The following NMNAT2 variants were observed in gnomAD, a reference collection of about 807,000 sequenced individuals.
NMNAT2 encodes nicotinamide nucleotide adenylyltransferase 2, also known as nicotinamide/nicotinic acid mononucleotide adenylyltransferase 2.
In NMNAT2, 11 loss-of-function variants were observed where a neutral mutation model predicts 41.6. The observed-to-expected ratio is 0.26, with a 90% CI of 0.17 to 0.44. The LOEUF is 0.44. NMNAT2 is among the 20% of genes least tolerant of loss of function. The probability of loss-of-function intolerance (pLI) is 1.00; values close to 1 mark genes in which losing one functional copy is unlikely to be tolerated. For missense variants in NMNAT2, 288 were observed against 407.7 expected (o/e 0.71, Z 2.53); for synonymous variants, 148 against 151.2 (o/e 0.98, Z 0.16).
At chr1:183,305,181 A>G (rs761849655) in intron 1 of NMNAT2, among the ~76,000 whole-genome samples, 23 of 152,086 alleles carry the variant, frequency 1.5e-4, no homozygotes, top group Non-Finnish European at 2.6e-4. Flanking sequence ...CACAAACTAA[A>G]TATATATGTA....
chr1:183,256,980 G>GA (rs1240587267), intron 10 of NMNAT2, among the ~76,000 whole-genome samples: 1 of 151,984 alleles, frequency 6.6e-6, no homozygotes, highest in Non-Finnish European at 1.5e-5. Flanking sequence ...TTGAACTCCT[G>GA]ACCTCAAGTG....
At chr1:183,291,206 C>T (rs1372413413) in intron 3 of NMNAT2, among the ~76,000 whole-genome samples, 1 of 152,150 alleles carries the variant, frequency 6.6e-6, no homozygotes, top group Admixed American at 6.5e-5. Flanking sequence ...CATGAGCCCC[C>T]GTGCCCTGCC....
intron 1 of NMNAT2, among the ~76,000 whole-genome samples, chr1:183,407,268 G>A (rs1401953928): frequency 6.6e-6 from 1 of 152,206 alleles, no homozygotes; most frequent in Non-Finnish European, 1.5e-5. Flanking sequence ...ATGACTTGCA[G>A]GTTCCCACTG....
intron 1 of NMNAT2, among the ~76,000 whole-genome samples, chr1:183,352,211 T>C (rs1218198803): frequency 1.3e-5 from 2 of 152,144 alleles, no homozygotes; most frequent in Admixed American, 6.5e-5. Context: ...GAAGCGCTGA[T>C]CACTAAGCAA....
intron 10 of NMNAT2, among the ~76,000 whole-genome samples, chr1:183,260,776 GCCATT>G (rs1363544822): frequency 7.0e-6 from 1 of 142,828 alleles, no homozygotes; most frequent in East Asian, 2.1e-4. Flanking sequence ...CTGAGATTGC[GCCATT>G]GAACTCCAGC....
intron 1 of NMNAT2, among the ~76,000 whole-genome samples, chr1:183,329,109 G>T (rs1237898106): frequency 6.6e-6 from 1 of 152,094 alleles, no homozygotes; most frequent in African/African-American, 2.4e-5. Context: ...TCCAAATCAG[G>T]GTTCCTAGCC....
intron 8 of NMNAT2, among the ~76,000 whole-genome samples, chr1:183,265,055 G>C (rs1404851275): frequency 6.6e-6 from 1 of 152,008 alleles, no homozygotes; most frequent in Non-Finnish European, 1.5e-5. Flanking sequence ...AATGTTTCCA[G>C]CATTAACTTC....
chr1:183,282,532 C>T (rs1177622252), intron 7 of NMNAT2, among the ~76,000 whole-genome samples: 1 of 152,246 alleles, frequency 6.6e-6, no homozygotes, highest in Non-Finnish European at 1.5e-5. Context: ...CACAATACAT[C>T]TCTGGACTAA....
At chr1:183,343,874 C>T (rs1311793387) in intron 1 of NMNAT2, among the ~76,000 whole-genome samples, 2 of 152,200 alleles carry the variant, frequency 1.3e-5, no homozygotes, top group African/African-American at 4.8e-5. Context: ...TGGGGCCTCA[C>T]CTCCCTATCC....
At chr1:183,330,601 T>C (rs902891717) in intron 1 of NMNAT2, among the ~76,000 whole-genome samples, 4 of 152,160 alleles carry the variant, frequency 2.6e-5, no homozygotes, top group African/African-American at 9.7e-5. Context: ...TGGCCAGTTA[T>C]CTCCCCATCC....
intron 1 of NMNAT2, among the ~76,000 whole-genome samples, chr1:183,347,464 T>C (rs928629682): frequency 2.6e-5 from 4 of 151,928 alleles, no homozygotes; most frequent in African/African-American, 4.8e-5. Context: ...TCTCTAAAAA[T>C]GATGATGATA....
intron 4 of NMNAT2, among the ~76,000 whole-genome samples, chr1:183,287,028 C>T (rs1661419113): frequency 6.6e-6 from 1 of 152,048 alleles, no homozygotes; most frequent in South Asian, 2.1e-4. Flanking sequence ...TGGGCTCTGC[C>T]TCCTTCTAGC....
intron 1 of NMNAT2, among the ~76,000 whole-genome samples, chr1:183,295,748 TG>T (rs1661673705): frequency 6.6e-6 from 1 of 152,194 alleles, no homozygotes; most frequent in African/African-American, 2.4e-5. Context: ...AAATGCCATA[TG>T]GTTGGAATCA....
At chr1:183,271,340 G>A (rs972746276) in intron 8 of NMNAT2, among the ~76,000 whole-genome samples, 3 of 151,978 alleles carry the variant, frequency 2.0e-5, no homozygotes, top group Non-Finnish European at 2.9e-5. Flanking sequence ...TCCCCCCACC[G>A]AATCTTTTAT....
intron 1 of NMNAT2, among the ~76,000 whole-genome samples, chr1:183,366,299 C>G (rs1466136400): frequency 6.6e-6 from 1 of 152,190 alleles, no homozygotes; most frequent in African/African-American, 2.4e-5. Context: ...TTTTCTTCCC[C>G]TGTAAAAAGG....
At chr1:183,259,451 C>G (rs1010941630) in intron 10 of NMNAT2, among the ~76,000 whole-genome samples, 2 of 152,108 alleles carry the variant, frequency 1.3e-5, no homozygotes, top group Non-Finnish European at 2.9e-5. Context: ...ATCTTTGTCC[C>G]CTCTCTCACC....
chr1:183,352,296 G>T (rs1663077372), intron 1 of NMNAT2, among the ~76,000 whole-genome samples: 1 of 152,138 alleles, frequency 6.6e-6, no homozygotes, highest in African/African-American at 2.4e-5. Flanking sequence ...GGGTGCAGTG[G>T]CTCACACCCA....
intron 1 of NMNAT2, among the ~76,000 whole-genome samples, chr1:183,349,833 C>T (rs944682585): frequency 7.9e-5 from 12 of 152,122 alleles, no homozygotes; most frequent in Non-Finnish European, 4.4e-5. Context: ...GCCTTGCAGA[C>T]TGGGAGTCTG....
chr1:183,265,619 C>T (rs79354501), intron 8 of NMNAT2, among the ~76,000 whole-genome samples: 1 of 152,118 alleles, frequency 6.6e-6, no homozygotes, highest in African/African-American at 2.4e-5. Flanking sequence ...TTCCTTGATT[C>T]CTCTCTTTCT....
Sources: gnomAD v4.1 joint callset for allele counts (sites outside exome capture counted in the v4.1 genomes callset) on GRCh38, gnomAD v4.1.1 for gene constraint, MANE v1.5 for transcripts, NCBI Gene and HGNC (gene_info 2026-07-23, HGNC 2026-07-21) for gene names.